Variants in SH3RF3 observed in about 807,000 individuals in gnomAD.
SH3RF3 encodes the protein E3 ubiquitin-protein ligase SH3RF3.
In SH3RF3, 29 loss-of-function variants were observed where a neutral mutation model predicts 66.3. That is an observed-to-expected ratio of 0.44 (90% confidence interval 0.33 to 0.60). The LOEUF is 0.60. SH3RF3 is among the 20% of genes least tolerant of loss of function. The pLI is 0.04. For synonymous variants in SH3RF3, 583 were observed against 532.0 expected, an observed-to-expected ratio of 1.10 and a Z score of -1.32; for missense variants, 1,194 against 1,190.9, an observed-to-expected ratio of 1.00 and a Z score of -0.04.
intron 1 of SH3RF3, among the ~76,000 whole-genome samples, chr2:109,316,308 G>A (rs1270852867): frequency 6.6e-6 from 1 of 152,154 alleles, no homozygotes; most frequent in African/African-American, 2.4e-5. Flanking sequence ...ATGCTGGGAA[G>A]GGGATGGAGG....
chr2:109,130,296 G>C (rs1208302349), intron 1 of SH3RF3, among the ~76,000 whole-genome samples, 183 bp downstream of exon 1: 2 of 152,206 alleles, frequency 1.3e-5, no homozygotes, highest in African/African-American at 2.4e-5. Flanking sequence ...TGGGCAGCTC[G>C]CCGCTTGTTC....
intron 1 of SH3RF3, among the ~76,000 whole-genome samples, chr2:109,154,213 C>T (rs1677285916): frequency 6.6e-6 from 1 of 152,216 alleles, no homozygotes; most frequent in African/African-American, 2.4e-5. Flanking sequence ...GCCTAGCATC[C>T]ATGTGGTGCT....
At chr2:109,413,901 C>G (rs184179191) in intron 4 of SH3RF3, among the ~76,000 whole-genome samples, 2 of 151,900 alleles carry the variant, frequency 1.3e-5, no homozygotes, top group African/African-American at 4.9e-5. Context: ...GGTGTAACTC[C>G]CCACCAGTGG....
At chr2:109,339,168 C>T (rs573141993) in intron 1 of SH3RF3, among the ~76,000 whole-genome samples, 35 of 146,474 alleles carry the variant, frequency 2.4e-4, no homozygotes, top group Non-Finnish European at 4.0e-4. Context: ...AGGAGGTGGA[C>T]GGGTAGGCAG....
chr2:109,135,750 C>G (rs1676801108), intron 1 of SH3RF3, among the ~76,000 whole-genome samples: 1 of 152,194 alleles, frequency 6.6e-6, no homozygotes, highest in Non-Finnish European at 1.5e-5. Context: ...ACTGGATCGT[C>G]AAGCATTACT....
At chr2:109,262,612 G>A (rs6738414) in intron 1 of SH3RF3, among the ~76,000 whole-genome samples, 114,418 of 152,194 alleles carry the variant, frequency 0.75, 43,524 homozygotes, top group East Asian at 0.9. Flanking sequence ...AAGAGCAATT[G>A]TATGTCTACA....
At chr2:109,353,079 T>C (rs1380730798) in intron 2 of SH3RF3, among the ~76,000 whole-genome samples, 1 of 152,210 alleles carries the variant, frequency 6.6e-6, no homozygotes, top group African/African-American at 2.4e-5. Context: ...CTGTGCCACA[T>C]GGAGCCTCTG....
At chr2:109,169,233 C>T (rs558397235) in intron 1 of SH3RF3, among the ~76,000 whole-genome samples, 1 of 152,308 alleles carries the variant, frequency 6.6e-6, no homozygotes, top group East Asian at 1.9e-4. Context: ...GCTGGTTTGT[C>T]TCTAAGCATT....
chr2:109,457,943 C>G (rs1015601418), intron 8 of SH3RF3, among the ~76,000 whole-genome samples: 1 of 152,206 alleles, frequency 6.6e-6, no homozygotes, highest in African/African-American at 2.4e-5. Context: ...CCAGCACTCT[C>G]CATTTTGGTC....
At chr2:109,259,228 A>G (rs1680294879) in intron 1 of SH3RF3, among the ~76,000 whole-genome samples, 1 of 152,216 alleles carries the variant, frequency 6.6e-6, no homozygotes, top group Non-Finnish European at 1.5e-5. Context: ...GTCGGATTAA[A>G]GGGTGTCCTG....
chr2:109,483,245 C>A (rs1365758243), intron 8 of SH3RF3, among the ~76,000 whole-genome samples: 1 of 152,212 alleles, frequency 6.6e-6, no homozygotes, highest in Non-Finnish European at 1.5e-5. Flanking sequence ...CAAAAAACTT[C>A]CAAGTATAAC....
At chr2:109,191,330 T>C (rs548715177) in intron 1 of SH3RF3, among the ~76,000 whole-genome samples, 1 of 152,254 alleles carries the variant, frequency 6.6e-6, no homozygotes, top group East Asian at 1.9e-4. Flanking sequence ...CATTAGGAGC[T>C]CCGTGAGGAC....
intron 1 of SH3RF3, among the ~76,000 whole-genome samples, chr2:109,215,464 A>G (rs1449735946): frequency 6.6e-6 from 1 of 152,054 alleles, no homozygotes; most frequent in African/African-American, 2.4e-5. Flanking sequence ...ACTTTACACC[A>G]TCAGAACAGG....
intron 1 of SH3RF3, among the ~76,000 whole-genome samples, chr2:109,252,704 T>C (rs902696073): frequency 5.3e-5 from 8 of 152,228 alleles, no homozygotes; most frequent in Non-Finnish European, 1.2e-4. Flanking sequence ...TTAAATGTAC[T>C]CAGAACAATA....
chr2:109,159,788 G>A (rs753552212), intron 1 of SH3RF3, among the ~76,000 whole-genome samples: 1 of 152,088 alleles, frequency 6.6e-6, no homozygotes, highest in Non-Finnish European at 1.5e-5. Context: ...CTGCACATGC[G>A]GGGGATTTAG....
At chr2:109,448,542 C>G (rs1677772671) in intron 7 of SH3RF3, among the ~76,000 whole-genome samples, 1 of 152,164 alleles carries the variant, frequency 6.6e-6, no homozygotes, top group African/African-American at 2.4e-5. Context: ...ACTCCACTTA[C>G]TTGGGATCTA....
chr2:109,288,750 T>C (rs1222961500), intron 1 of SH3RF3, among the ~76,000 whole-genome samples: 1 of 152,150 alleles, frequency 6.6e-6, no homozygotes, highest in Non-Finnish European at 1.5e-5. Context: ...GTTGTCATGA[T>C]GGAAGACACA....
At chr2:109,318,566 T>C (rs1457729625) in intron 1 of SH3RF3, among the ~76,000 whole-genome samples, 3 of 152,168 alleles carry the variant, frequency 2.0e-5, no homozygotes, top group South Asian at 2.1e-4. Flanking sequence ...GGTGTGTTGG[T>C]TCAAAGTCAT....
At chr2:109,135,279 T>C (rs1249247874) in intron 1 of SH3RF3, among the ~76,000 whole-genome samples, 1 of 152,126 alleles carries the variant, frequency 6.6e-6, no homozygotes, top group East Asian at 1.9e-4. Context: ...GACTGCCTTT[T>C]CTCCTGAGGC....
Sources: gnomAD v4.1 joint callset for allele counts (sites outside exome capture counted in the v4.1 genomes callset) on GRCh38, gnomAD v4.1.1 for gene constraint, MANE v1.5 for transcripts, NCBI Gene and HGNC (gene_info 2026-07-23, HGNC 2026-07-21) for gene names.